The following IFI16 variants were observed in gnomAD, a reference collection of about 807,000 sequenced individuals.
The protein encoded by IFI16 is gamma-interferon-inducible protein 16.
IFI16 carries 49 observed loss-of-function variants against 68.4 expected under a neutral mutation model. The observed-to-expected ratio is 0.72, with a 90% CI of 0.57 to 0.91. The LOEUF is 0.91. Ranked by LOEUF, IFI16 falls within the 40% of genes least tolerant of loss-of-function variation. The pLI, the probability that IFI16 is intolerant of heterozygous loss-of-function variation, is 0.00. For synonymous variants in IFI16, 307 were observed against 315.0 expected (o/e 0.97, Z 0.27); for missense variants, 878 against 942.9 (o/e 0.93, Z 0.90).
intron 6 of IFI16, among the ~76,000 whole-genome samples, chr1:159,020,794 G>A (rs1026593482): frequency 1.4e-4 from 22 of 151,890 alleles, no homozygotes; most frequent in African/African-American, 5.1e-4. Flanking sequence ...TTAAGTGATT[G>A]TAGGGTTGGG....
At chr1:159,054,630 T>C (rs1655566913) in intron 11 of IFI16, among the ~76,000 whole-genome samples, 191 bp from the exon 12 acceptor site, 1 of 152,120 alleles carries the variant, frequency 6.6e-6, no homozygotes, top group South Asian at 2.1e-4. Context: ...ACGGTCCAAA[T>C]TAAACAGAGA....
chr1:159,026,298 CTTTTT>C (rs58483921), intron 6 of IFI16, among the ~76,000 whole-genome samples: 1 of 115,024 alleles, frequency 8.7e-6, no homozygotes, highest in Non-Finnish European at 1.9e-5. Context: ...TTATTTCTTT[CTTTTT>C]TTTTTTTTTT....
At position 159,047,339 on chromosome 1, in the gene IFI16, G is replaced by A. The variant is rs185201473; in HGVS notation, c.1497+1875G>A. 5.4e-3 allele frequency among the ~76,000 whole-genome samples: 810 copies of A among 148,754 alleles called. 23 individuals carry two copies. Among genetic ancestry groups the A allele is most frequent in the African/African-American group, 0.019 (757 of 40,568 alleles). ...ATATAGTCTTTCCTGGTTCTTCTTG[G>A]GCAGAACTAGCTGCTTGTAACTGTT... On this transcript the variant is annotated intron_variant, in intron 8 of 11. Transcript: ENST00000295809.
At chr1:159,015,199 G>A (rs1189420784) in intron 2 of IFI16, among the ~76,000 whole-genome samples, 1 of 152,146 alleles carries the variant, frequency 6.6e-6, no homozygotes, top group Non-Finnish European at 1.5e-5. Context: ...GTTGAAGGGG[G>A]ACTGAGACTT....
chr1:159,021,760 G>A (rs574800505), intron 6 of IFI16, among the ~76,000 whole-genome samples: 16 of 151,990 alleles, frequency 1.1e-4, no homozygotes, highest in Non-Finnish European at 2.1e-4. Context: ...CGATGCCAGC[G>A]TCTGTTTTTT....
chr1:159,041,341 A>T (rs1446794573), intron 7 of IFI16, among the ~76,000 whole-genome samples: 1 of 152,204 alleles, frequency 6.6e-6, no homozygotes, highest in Non-Finnish European at 1.5e-5. Context: ...ACGATTGAGA[A>T]TCTTGACGAT....
At chr1:159,000,369 G>A (rs755988359) in exon 1 of IFI16, 22 of 199,234 alleles carry the variant, frequency 1.1e-4, no homozygotes, top group Non-Finnish European at 1.5e-4. Context: ...ACCACCAAAA[G>A]TGATTCAACA....
At chr1:159,031,722 T>C (rs1654012636) in intron 6 of IFI16, among the ~76,000 whole-genome samples, 1 of 152,200 alleles carries the variant, frequency 6.6e-6, no homozygotes, top group African/African-American at 2.4e-5. Context: ...CAGTCCGCTT[T>C]TTTTCAAACG....
intron 7 of IFI16, among the ~76,000 whole-genome samples, chr1:159,036,483 G>T (rs1329766159): frequency 6.6e-6 from 1 of 152,180 alleles, no homozygotes; most frequent in Non-Finnish European, 1.5e-5. Context: ...GATTTTTAGT[G>T]TTAGAGCCAA....
At chr1:159,021,479 C>T (rs1195559172) in intron 6 of IFI16, among the ~76,000 whole-genome samples, 1 of 152,108 alleles carries the variant, frequency 6.6e-6, no homozygotes, top group Non-Finnish European at 1.5e-5. Flanking sequence ...ATACATACCC[C>T]ATTTCTTTAT....
chr1:159,017,956 G>A (rs913385317), intron 4 of IFI16, among the ~76,000 whole-genome samples: 2 of 152,208 alleles, frequency 1.3e-5, no homozygotes, highest in East Asian at 3.8e-4. Flanking sequence ...GTATCCACTG[G>A]TCTTATGTTG....
chr1:159,002,920 T>C (rs536154772), upstream of IFI16, among the ~76,000 whole-genome samples: 1 of 152,208 alleles, frequency 6.6e-6, no homozygotes, highest in Non-Finnish European at 1.5e-5. Context: ...ATGTCCTCAC[T>C]GCACATTCTT....
At chr1:159,045,519 T>A (rs531984634) in intron 8 of IFI16, 55 bp downstream of exon 8, 1 of 1,594,938 alleles carries the variant, frequency 6.3e-7, no homozygotes, top group African/African-American at 1.3e-5. Flanking sequence ...ATGACAAGGA[T>A]TAACACAACC....
upstream of IFI16, among the ~76,000 whole-genome samples, chr1:159,006,295 CAA>C (rs1426306925): frequency 6.6e-6 from 1 of 152,112 alleles, no homozygotes; most frequent in African/African-American, 2.4e-5. Flanking sequence ...GAGGGGGACT[CAA>C]ATGCAATAAT....
chr1:159,031,871 G>A lies in IFI16; in HGVS notation c.1162-653G>A, dbSNP rs951948228. Among the ~76,000 whole-genome samples the A allele has an allele frequency of 2.0e-5, 3 of 152,250 alleles. No individual in the cohort carries two copies. In the East Asian group the frequency reaches 5.8e-4, roughly 29 times the overall value. On this transcript the variant is annotated intron_variant, in intron 6 of 11. Transcript: ENST00000295809. ...AATATTTGAAGAAATTAGGAGGGTG[G>A]GGAACCAATATAATGCAGTGGCCAA...
intron 9 of IFI16, 53 bp downstream of exon 9, chr1:159,049,652 G>T (rs1655220226): frequency 1.2e-6 from 2 of 1,603,634 alleles, no homozygotes; most frequent in South Asian, 2.2e-5. Flanking sequence ...TAATGACAAG[G>T]ATTAACACAA....
chr1:159,032,166 A>T (rs1654038324), intron 6 of IFI16, among the ~76,000 whole-genome samples: 2 of 152,264 alleles, frequency 1.3e-5, no homozygotes, highest in Non-Finnish European at 2.9e-5. Context: ...GTGAAACAGC[A>T]TAGTGAGTTC....
At position 159,051,786 on chromosome 1, in the gene IFI16, T is replaced by C. The variant is rs1177105926; in HGVS notation, c.1773T>C (p.Tyr591=). The C allele has an allele frequency of 6.2e-7, 1 of 1,614,124 alleles. No homozygotes were observed. The highest frequency in any genetic ancestry group is 1.3e-5 in the African/African-American group (1 of 75,044). Reference sequence around the variant, plus strand: ...TGAACGCAACAGAATCATTTGTATATGAGCCCAAAGAGCAGAAGAAAATGT... The same window carrying C: ...TGAACGCAACAGAATCATTTGTATACGAGCCCAAAGAGCAGAAGAAAATGT... ...MVLNATESFV[Y]EPKEQKKMFH... Residue 591 remains tyrosine, a synonymous_variant, in exon 10 of 12, where the codon TAT becomes TAC. Transcript: ENST00000295809.
exon 1 of IFI16, chr1:158,999,992 G>T (rs1225467530): frequency 6.5e-6 from 1 of 152,874 alleles, no homozygotes; most frequent in South Asian, 2.1e-4. Flanking sequence ...TCCCAGAAAT[G>T]CCATGAAAGG....
Sources: allele counts gnomAD v4.1 joint callset (sites outside exome capture counted in the v4.1 genomes callset), GRCh38; gene constraint gnomAD v4.1.1; transcripts MANE v1.5; gene names NCBI Gene and HGNC (gene_info 2026-07-23, HGNC 2026-07-21).